The following SLC30A5 variants were observed in gnomAD, a reference collection of about 807,000 sequenced individuals.
The protein encoded by SLC30A5 is proton-coupled zinc antiporter SLC30A5.
A neutral mutation model predicts 79.6 loss-of-function variants in SLC30A5; 33 were observed. The ratio of observed to expected loss-of-function variants is 0.41; its 90% CI spans 0.31 to 0.55. The LOEUF is 0.55. SLC30A5 is among the 20% of genes least tolerant of loss of function. The pLI is 0.20. For missense variants in SLC30A5, 788 were observed against 928.1 expected (o/e 0.85, Z 1.96); for synonymous variants, 299 against 319.7 (o/e 0.94, Z 0.69).
intron 1 of SLC30A5, among the ~76,000 whole-genome samples, chr5:69,094,790 G>C (rs184603616): frequency 6.6e-6 from 1 of 152,140 alleles, no homozygotes; most frequent in African/African-American, 2.4e-5. Flanking sequence ...AGGGGAACTT[G>C]GATGTTCAGA....
rs1380928534 is a variant in SLC30A5 at position 69,113,193 on chromosome 5, CAAT to C, written c.502_504del (p.Asn168del). On this transcript the variant is annotated inframe_deletion, in exon 6 of 16. Coordinates refer to ENST00000396591, the MANE Select transcript of SLC30A5 (RefSeq NM_022902.5). The stretch of plus-strand genomic sequence containing the variant: ...CTGTGATCTGTTTATTGCTTTTTGA[CAAT>C]GATGATCTCATGGCTAAAATGGCTG... The C allele has an allele frequency of 1.2e-6, 2 of 1,613,426 alleles. No individual in the cohort carries two copies. The highest frequency in any genetic ancestry group is 4.5e-5 in the East Asian group (2 of 44,786).
At chr5:69,103,995 G>T (rs1261412123) in intron 3 of SLC30A5, 1 of 1,568,644 alleles carries the variant, frequency 6.4e-7, no homozygotes, top group Non-Finnish European at 8.7e-7. Flanking sequence ...TGGTAGAAAA[G>T]AATTTAAAGA....
chr5:69,101,729 G>A (rs1415312147), intron 2 of SLC30A5, among the ~76,000 whole-genome samples: 1 of 151,590 alleles, frequency 6.6e-6, no homozygotes, highest in Non-Finnish European at 1.5e-5. Context: ...GGCGGAGGCA[G>A]GTGGATCGCC....
Position 69,097,832 on chromosome 5 carries a change from C to G in SLC30A5, c.84-2975C>G, listed in dbSNP as rs923488365. Among the ~76,000 whole-genome samples, 9 of 152,218 alleles carry G rather than the reference C, an allele frequency of 5.9e-5. 1 individual carries two copies. The South Asian group carries it at 1.0e-3, about 18-fold the overall frequency. On this transcript the variant is annotated intron_variant, in intron 1 of 15. Coordinates refer to ENST00000396591, the MANE Select transcript of SLC30A5 (RefSeq NM_022902.5). Reference sequence around the variant, plus strand: ...GGGATTACAGGCATGAGCTACCATGCCTGGCCTGGATTCTTTGATTTTTAA... The same window carrying G: ...GGGATTACAGGCATGAGCTACCATGGCTGGCCTGGATTCTTTGATTTTTAA...
intron 4 of SLC30A5, among the ~76,000 whole-genome samples, chr5:69,107,474 A>G (rs1425501758): frequency 6.6e-6 from 1 of 152,228 alleles, no homozygotes; most frequent in African/African-American, 2.4e-5. Context: ...TATAGTAAAT[A>G]CATAAACCAG....
intron 1 of SLC30A5, among the ~76,000 whole-genome samples, chr5:69,097,713 A>G (rs907662084): frequency 1.6e-4 from 25 of 151,764 alleles, no homozygotes; most frequent in Non-Finnish European, 3.1e-4. Flanking sequence ...TCATTCTTTA[A>G]TTTTTAGTAG....
Position 69,115,847 on chromosome 5 carries a change from A to T in SLC30A5, c.784-79A>T, listed in dbSNP as rs1017080897. ...TGAATCATGCGATTTTTATTTTTTT[A>T]AAAGATTAACAGAAACATCTTGTAA... On this transcript the variant is annotated intron_variant, in intron 8 of 15. Transcript: ENST00000396591. 1.7e-5 allele frequency: 21 copies of T among 1,224,038 alleles called. No homozygotes were observed. The African/African-American group carries it at 2.1e-4, about 12-fold the overall frequency. 75.8% of individuals were successfully genotyped at this position (1,224,038 alleles called of 1,614,324 possible). A position where few individuals can be genotyped will look rare whatever the true frequency, so the allele number is the denominator to read the frequency against.
At chr5:69,127,507 G>A (rs1301819188) in intron 14 of SLC30A5, among the ~76,000 whole-genome samples, 4 of 151,532 alleles carry the variant, frequency 2.6e-5, no homozygotes, top group Admixed American at 1.3e-4. Context: ...TTAGCCAGGC[G>A]TGGTGGCGTG....
intron 14 of SLC30A5, among the ~76,000 whole-genome samples, chr5:69,125,833 T>G (rs1438086462): frequency 1.7e-5 from 2 of 114,900 alleles, no homozygotes; most frequent in African/African-American, 3.6e-5. Flanking sequence ...ATCACGCCAC[T>G]GCACTCCAGC....
intron 2 of SLC30A5, chr5:69,102,687 C>T (rs1178426129): frequency 1.3e-5 from 2 of 152,822 alleles, no homozygotes; most frequent in African/African-American, 2.4e-5. Context: ...TGTTGAAACA[C>T]CATCTCTACT....
At chr5:69,099,010 A>G (rs932445984) in intron 1 of SLC30A5, among the ~76,000 whole-genome samples, 18 of 152,200 alleles carry the variant, frequency 1.2e-4, no homozygotes, top group Admixed American at 2.6e-4. Flanking sequence ...TGTATAAAGT[A>G]AAACTCTTGC....
intron 6 of SLC30A5, 45 bp downstream of exon 6, chr5:69,113,272 A>G (rs752499384): frequency 1.6e-5 from 23 of 1,419,988 alleles, no homozygotes; most frequent in Non-Finnish European, 2.2e-5. Flanking sequence ...TCTTGAGGAA[A>G]ACTAGAAGCC....
intron 1 of SLC30A5, among the ~76,000 whole-genome samples, chr5:69,095,672 A>G (rs1451055068): frequency 6.6e-6 from 1 of 152,198 alleles, no homozygotes; most frequent in East Asian, 1.9e-4. Context: ...GCAATAGGCA[A>G]TTCTGGTCTG....
rs181323025 is a variant in SLC30A5 at position 69,123,502 on chromosome 5, C to T, written c.1998+77C>T. On this transcript the variant is annotated intron_variant, in intron 14 of 15. Coordinates refer to ENST00000396591, the MANE Select transcript of SLC30A5 (RefSeq NM_022902.5). ...AAGTCTTTGCTGGAAGTAAAACAGACAACCAAATAAATAATAAAACAAAAC... is the reference window on the plus strand; with the variant it reads ...AAGTCTTTGCTGGAAGTAAAACAGATAACCAAATAAATAATAAAACAAAAC... The T allele has an allele frequency of 1.4e-3, 1,556 of 1,084,274 alleles. 8 individuals carry two copies. The highest frequency in any genetic ancestry group is 0.012 in the Middle Eastern group (61 of 4,964). 67.2% of individuals were successfully genotyped at this position (1,084,274 alleles called of 1,614,324 possible). A position where few individuals can be genotyped will look rare whatever the true frequency, so the allele number is the denominator to read the frequency against.
At chr5:69,123,812 A>C (rs1484048227) in intron 14 of SLC30A5, among the ~76,000 whole-genome samples, 3 of 152,160 alleles carry the variant, frequency 2.0e-5, no homozygotes, top group Non-Finnish European at 4.4e-5. Context: ...GCGCTTGAGA[A>C]TAAGAAAACA....
chr5:69,119,894 C>T (rs2111987058), intron 12 of SLC30A5, among the ~76,000 whole-genome samples: 1 of 151,940 alleles, frequency 6.6e-6, no homozygotes, highest in East Asian at 1.9e-4. Flanking sequence ...ATGGCGCACA[C>T]CTGTAATCCC....
At chr5:69,104,019 G>T in intron 3 of SLC30A5, 1 of 1,570,734 alleles carries the variant, frequency 6.4e-7, no homozygotes, top group Non-Finnish European at 8.7e-7. Context: ...AAAGTTAAAT[G>T]ATCCTAGGAA....
chr5:69,111,462 G>A (rs539073697), intron 5 of SLC30A5, among the ~76,000 whole-genome samples: 10 of 151,376 alleles, frequency 6.6e-5, no homozygotes, highest in South Asian at 2.1e-4. Context: ...CTGCCACTGC[G>A]CCTGGCCTAA....
intron 1 of SLC30A5, among the ~76,000 whole-genome samples, chr5:69,095,577 A>G (rs1745704771): frequency 6.6e-6 from 1 of 152,182 alleles, no homozygotes; most frequent in Non-Finnish European, 1.5e-5. Flanking sequence ...TGTAGCATAA[A>G]TTTAATTTTC....
Sources: allele counts gnomAD v4.1 joint callset (sites outside exome capture counted in the v4.1 genomes callset), GRCh38; gene constraint gnomAD v4.1.1; transcripts MANE v1.5; gene names NCBI Gene and HGNC (gene_info 2026-07-23, HGNC 2026-07-21).